Variants in SYT1 observed in about 807,000 individuals in gnomAD.
SYT1 encodes the protein synaptotagmin 1.
SYT1 carries 8 observed loss-of-function variants against 44.8 expected under a neutral mutation model. The observed-to-expected ratio is 0.18, with a 90% CI of 0.10 to 0.32. SYT1 has a LOEUF of 0.32. Ranked by LOEUF, SYT1 falls within the 10% of genes least tolerant of loss-of-function variation. The pLI is 1.00. For missense variants in SYT1, 286 were observed against 509.3 expected, an observed-to-expected ratio of 0.56 and a Z score of 4.22; for synonymous variants, 154 against 188.8, an observed-to-expected ratio of 0.82 and a Z score of 1.51.
At chr12:79,176,710 T>C (rs150381477) in intron 3 of SYT1, among the ~76,000 whole-genome samples, 1 of 152,060 alleles carries the variant, frequency 6.6e-6, no homozygotes, top group Non-Finnish European at 1.5e-5. Context: ...TACCTTTGCT[T>C]ACACCAAATG....
chr12:79,314,441 C>T (rs550679433), intron 8 of SYT1, among the ~76,000 whole-genome samples: 20 of 152,222 alleles, frequency 1.3e-4, no homozygotes, highest in Admixed American at 5.9e-4. Flanking sequence ...AGGCTCAGCA[C>T]GTGTGAGTGG....
chr12:78,933,505 A>G (rs1592578269), intron 1 of SYT1, among the ~76,000 whole-genome samples: 1 of 152,166 alleles, frequency 6.6e-6, no homozygotes, highest in East Asian at 1.9e-4. Flanking sequence ...CTTAAATGTA[A>G]TGTTCTATTT....
chr12:78,911,705 T>A (rs997706002), intron 1 of SYT1, among the ~76,000 whole-genome samples: 1 of 151,900 alleles, frequency 6.6e-6, no homozygotes, highest in African/African-American at 2.4e-5. Context: ...TGGTGTGGGG[T>A]GAGGAGATAA....
chr12:79,178,055 A>T (rs1317741916), intron 3 of SYT1, among the ~76,000 whole-genome samples: 1 of 151,652 alleles, frequency 6.6e-6, no homozygotes, highest in Non-Finnish European at 1.5e-5. Flanking sequence ...GTTTAATTAG[A>T]TCCCATTTGT....
chr12:79,381,368 T>C (rs531953402), intron 9 of SYT1, among the ~76,000 whole-genome samples: 36 of 152,172 alleles, frequency 2.4e-4, no homozygotes, highest in Non-Finnish European at 1.3e-4. Context: ...TCAGATCCCC[T>C]TGAAAAAGAT....
intron 3 of SYT1, among the ~76,000 whole-genome samples, chr12:79,171,918 T>G (rs1871549992): frequency 6.6e-6 from 1 of 152,044 alleles, no homozygotes; most frequent in Non-Finnish European, 1.5e-5. Context: ...ATCTGGCATA[T>G]TATAAATGTC....
intron 2 of SYT1, among the ~76,000 whole-genome samples, chr12:79,023,852 A>G (rs1872351460): frequency 6.6e-6 from 1 of 151,258 alleles, no homozygotes; most frequent in Non-Finnish European, 1.5e-5. Context: ...TGAACTATTC[A>G]CCTATAGGTT....
chr12:79,325,961 G>A (rs1881589943), intron 8 of SYT1, among the ~76,000 whole-genome samples: 1 of 152,014 alleles, frequency 6.6e-6, no homozygotes, highest in Non-Finnish European at 1.5e-5. Flanking sequence ...AACTCATTCT[G>A]TAACTTTAAT....
chr12:78,876,285 G>C (rs1874063622), intron 1 of SYT1, among the ~76,000 whole-genome samples: 1 of 151,320 alleles, frequency 6.6e-6, no homozygotes, highest in Admixed American at 6.6e-5. Context: ...CTATATGATA[G>C]TAAACCAGTT....
intron 3 of SYT1, among the ~76,000 whole-genome samples, chr12:79,065,129 T>C (rs1337326319): frequency 6.6e-6 from 1 of 152,108 alleles, no homozygotes; most frequent in African/African-American, 2.4e-5. Flanking sequence ...TCCCAGCACT[T>C]TGGGAGGCTG....
chr12:79,040,944 C>T (rs1455348271), intron 2 of SYT1, among the ~76,000 whole-genome samples: 22 of 151,302 alleles, frequency 1.5e-4, no homozygotes, highest in Non-Finnish European at 2.5e-4. Flanking sequence ...AGATATGCGG[C>T]GTTATTTCTG....
intron 3 of SYT1, among the ~76,000 whole-genome samples, chr12:79,056,521 A>G (rs550997945): frequency 6.6e-6 from 1 of 152,066 alleles, no homozygotes; most frequent in Non-Finnish European, 1.5e-5. Context: ...TGTGAAGGGT[A>G]GCAAAAATGC....
chr12:79,398,357 T>C (rs1309983701), intron 9 of SYT1, among the ~76,000 whole-genome samples: 1 of 152,240 alleles, frequency 6.6e-6, no homozygotes, highest in Admixed American at 6.5e-5. Flanking sequence ...TTAAAATATC[T>C]TCTGAATTAT....
At chr12:78,960,855 G>A (rs1453638396) in intron 1 of SYT1, 1 of 152,074 alleles carries the variant, frequency 6.6e-6, no homozygotes, top group Non-Finnish European at 1.5e-5. Context: ...ATGTCTATTA[G>A]CCCAGTGGTC....
chr12:78,943,067 G>A (rs879543885), intron 1 of SYT1, among the ~76,000 whole-genome samples: 1 of 152,148 alleles, frequency 6.6e-6, no homozygotes, highest in Non-Finnish European at 1.5e-5. Flanking sequence ...CATTGACTAA[G>A]AAGAAGATAT....
At position 78,910,152 on chromosome 12, in the gene SYT1, G is replaced by A. The variant is rs75759879; in HGVS notation, c.-217+45043G>A. Among the ~76,000 whole-genome samples the A allele has an allele frequency of 7.3e-3, 1,106 of 152,040 alleles. 19 individuals carry two copies. The highest frequency in any genetic ancestry group is 0.025 in the African/African-American group (1,031 of 41,526). On this transcript the variant is annotated intron_variant, in intron 1 of 10. Coordinates refer to ENST00000261205, the MANE Select transcript of SYT1 (RefSeq NM_005639.3). ...GGCCCCAGAACTATTTACCTACTAG[G>A]TTGTAAGCTTCCTAAGGAAGGGCAG...
intron 9 of SYT1, among the ~76,000 whole-genome samples, chr12:79,389,818 A>G (rs1884579895): frequency 6.6e-6 from 1 of 152,144 alleles, no homozygotes; most frequent in African/African-American, 2.4e-5. Context: ...TCAATTTCCC[A>G]GCTCTGTAGG....
intron 2 of SYT1, among the ~76,000 whole-genome samples, chr12:78,997,811 C>T (rs1257059433): frequency 6.6e-6 from 1 of 152,090 alleles, no homozygotes; most frequent in Non-Finnish European, 1.5e-5. Flanking sequence ...AACGAGGTAT[C>T]CCCTCACCCA....
At chr12:79,225,488 G>A (rs771481382) in intron 4 of SYT1, among the ~76,000 whole-genome samples, 2 of 152,162 alleles carry the variant, frequency 1.3e-5, no homozygotes, top group Admixed American at 6.5e-5. Context: ...TGAGTTAATG[G>A]ACTGATACAC....
Sources: gnomAD v4.1 joint callset for allele counts (sites outside exome capture counted in the v4.1 genomes callset) on GRCh38, gnomAD v4.1.1 for gene constraint, MANE v1.5 for transcripts, NCBI Gene and HGNC (gene_info 2026-07-23, HGNC 2026-07-21) for gene names.